Variants in PGM5 observed in about 807,000 individuals in gnomAD.
PGM5 encodes phosphoglucomutase 5.
A neutral mutation model predicts 59.2 loss-of-function variants in PGM5; 23 were observed. That is an observed-to-expected ratio of 0.39 (90% CI 0.28 to 0.55). The LOEUF (loss-of-function observed/expected upper bound fraction) is 0.55. PGM5 is among the 20% of genes least tolerant of loss of function. The probability of loss-of-function intolerance (pLI) is 0.66; values close to 1 mark genes in which losing one functional copy is unlikely to be tolerated. For missense variants in PGM5, 574 were observed against 748.3 expected, an observed-to-expected ratio of 0.77 and a Z score of 2.72; for synonymous variants, 214 against 286.0, an observed-to-expected ratio of 0.75 and a Z score of 2.54.
chr9:68,496,323 AC>A (rs1554688146), intron 9 of PGM5, among the ~76,000 whole-genome samples: 1 of 152,244 alleles, frequency 6.6e-6, no homozygotes, highest in Non-Finnish European at 1.5e-5. Context: ...GCAATCCAAT[AC>A]AGCTATTCAC....
intron 6 of PGM5, chr9:68,398,415 A>C (rs1172701644): frequency 6.6e-6 from 1 of 152,100 alleles, no homozygotes; most frequent in Non-Finnish European, 1.5e-5. Flanking sequence ...AAGGAAACCA[A>C]AAAACACAAG....
At chr9:68,476,278 A>G (rs921781273) in intron 7 of PGM5, among the ~76,000 whole-genome samples, 4 of 152,116 alleles carry the variant, frequency 2.6e-5, no homozygotes, top group Non-Finnish European at 5.9e-5. Flanking sequence ...AATGTTGACT[A>G]TTATTATTTT....
intron 10 of PGM5, among the ~76,000 whole-genome samples, chr9:68,527,109 G>A (rs918549899): frequency 6.6e-6 from 1 of 152,132 alleles, no homozygotes; most frequent in Non-Finnish European, 1.5e-5. Flanking sequence ...GAGTTAAGTG[G>A]AGATCAGAAA....
chr9:68,456,827 T>C (rs1293499601), intron 6 of PGM5, among the ~76,000 whole-genome samples: 1 of 151,356 alleles, frequency 6.6e-6, no homozygotes, highest in African/African-American at 2.4e-5. Context: ...GGTTTTGCCA[T>C]CTTGGCCAGG....
At chr9:68,514,028 T>C (rs1313874113) in intron 10 of PGM5, among the ~76,000 whole-genome samples, 1 of 152,220 alleles carries the variant, frequency 6.6e-6, no homozygotes, top group African/African-American at 2.4e-5. Flanking sequence ...TTTGCTACAC[T>C]AAAGGTAGTT....
intron 6 of PGM5, among the ~76,000 whole-genome samples, chr9:68,406,666 ATATATATATATG>A (rs201350593): frequency 0.37 from 2,172 of 5,820 alleles, 384 homozygotes; most frequent in Non-Finnish European, 0.44. Flanking sequence ...TTAGGTATAT[ATATATATATATG>A]TATATATATA....
intron 6 of PGM5, among the ~76,000 whole-genome samples, chr9:68,417,967 T>C (rs1823063001): frequency 1.3e-5 from 2 of 152,228 alleles, no homozygotes; most frequent in African/African-American, 4.8e-5. Context: ...AGATGCACAA[T>C]TGCCAAAGCT....
At chr9:68,420,585 A>C (rs12350942) in intron 6 of PGM5, among the ~76,000 whole-genome samples, 4,471 of 152,292 alleles carry the variant, frequency 0.029, 69 homozygotes, top group African/African-American at 0.052. Context: ...AATGGGTTAT[A>C]TGAAGTATAA....
intron 9 of PGM5, among the ~76,000 whole-genome samples, chr9:68,487,443 C>G (rs745600147): frequency 9.8e-5 from 12 of 122,800 alleles, no homozygotes; most frequent in Non-Finnish European, 1.8e-4. Context: ...CTCTCTCTCT[C>G]TCTCTGTGTC....
chr9:68,467,242 G>A (rs1199018828), intron 7 of PGM5, among the ~76,000 whole-genome samples: 4 of 152,174 alleles, frequency 2.6e-5, no homozygotes, highest in Admixed American at 6.5e-5. Flanking sequence ...TTAAAGTAAT[G>A]TAAAGGCCTA....
chr9:68,396,571 C>T (rs1822508380), intron 6 of PGM5: 1 of 152,266 alleles, frequency 6.6e-6, no homozygotes, highest in African/African-American at 2.4e-5. Flanking sequence ...AGAAATTTCA[C>T]AAAGGACCTG....
chr9:68,368,510 T>A (rs1392937453), intron 1 of PGM5, among the ~76,000 whole-genome samples: 3 of 152,164 alleles, frequency 2.0e-5, no homozygotes, highest in Non-Finnish European at 4.4e-5. Flanking sequence ...GTCACTACCA[T>A]GGACTTCAGC....
At chr9:68,484,778 C>G (rs1824267886) in intron 9 of PGM5, among the ~76,000 whole-genome samples, 1 of 152,012 alleles carries the variant, frequency 6.6e-6, no homozygotes, top group Non-Finnish European at 1.5e-5. Flanking sequence ...TTACCAAGAA[C>G]TAAAGATCCC....
chr9:68,391,635 C>A lies in PGM5; in HGVS notation c.799C>A (p.Pro267Thr). The A allele has an allele frequency of 6.2e-7, 1 of 1,613,294 alleles. No individual in the cohort carries two copies. The highest frequency in any genetic ancestry group is 1.1e-5 in the South Asian group (1 of 91,062). Residue 267 changes from proline to threonine, a missense_variant, in exon 5 of 11, where the codon CCT (proline) becomes ACT (threonine). Transcript: ENST00000396396. ...VPLEDFGGQHPDPNLTYATTL... is the reference protein window; with the variant it reads ...VPLEDFGGQHTDPNLTYATTL... ...CCTGGAAGACTTTGGAGGGCAGCAC[C>A]CTGACCCAAACCTGACATATGCAAC...
At chr9:68,451,354 A>G (rs1204179608) in intron 6 of PGM5, among the ~76,000 whole-genome samples, 1 of 152,224 alleles carries the variant, frequency 6.6e-6, no homozygotes, top group Non-Finnish European at 1.5e-5. Context: ...AATTTGTAGG[A>G]TATATTTTCT....
At chr9:68,454,341 G>A (rs1173033552) in intron 6 of PGM5, among the ~76,000 whole-genome samples, 3 of 152,140 alleles carry the variant, frequency 2.0e-5, no homozygotes, top group Admixed American at 6.5e-5. Context: ...AACAGTTCCT[G>A]TATTAAACTC....
intron 6 of PGM5, among the ~76,000 whole-genome samples, chr9:68,442,321 G>C (rs1554683738): frequency 6.6e-6 from 1 of 152,114 alleles, no homozygotes; most frequent in African/African-American, 2.4e-5. Flanking sequence ...TTTTGCTCTT[G>C]TTGCTGGGGC....
At chr9:68,471,902 G>A (rs1467355385) in intron 7 of PGM5, among the ~76,000 whole-genome samples, 1 of 151,756 alleles carries the variant, frequency 6.6e-6, no homozygotes, top group Non-Finnish European at 1.5e-5. Flanking sequence ...CTGGGTGACA[G>A]GGTGAGACTC....
chr9:68,529,211 G>GTGTGTGTGTGTGT (rs1825040778), intron 10 of PGM5, among the ~76,000 whole-genome samples: 2 of 145,308 alleles, frequency 1.4e-5, no homozygotes, highest in African/African-American at 2.5e-5. Flanking sequence ...GTGTGTGTGT[G>GTGTGTGTGTGTGT]GTGAGGATGA....
Sources: allele counts gnomAD v4.1 joint callset (sites outside exome capture counted in the v4.1 genomes callset), GRCh38; gene constraint gnomAD v4.1.1; transcripts MANE v1.5; gene names NCBI Gene and HGNC (gene_info 2026-07-23, HGNC 2026-07-21).